Variants in CADM2 observed in about 807,000 individuals in gnomAD.
The protein encoded by CADM2 is cell adhesion molecule 2, also known as immunoglobulin superfamily member 4D.
In CADM2, 12 loss-of-function variants were observed where a neutral mutation model predicts 49.8. The observed-to-expected ratio is 0.24, with a 90% CI of 0.15 to 0.39. The LOEUF (loss-of-function observed/expected upper bound fraction) is 0.39, where lower values mean the gene tolerates loss of function less well. CADM2 is among the 10% of genes least tolerant of loss of function. The probability of loss-of-function intolerance (pLI) is 1.00; values close to 1 mark genes in which losing one functional copy is unlikely to be tolerated. For missense variants in CADM2, 378 were observed against 492.3 expected (o/e 0.77, Z 2.20); for synonymous variants, 214 against 175.4 (o/e 1.22, Z -1.74).
intron 2 of CADM2, among the ~76,000 whole-genome samples, chr3:85,797,120 A>G (rs567192097): frequency 3.3e-5 from 5 of 152,064 alleles, no homozygotes; most frequent in African/African-American, 1.2e-4. Flanking sequence ...AGAAAAAAAA[A>G]AAGAAAATTA....
In CADM2 at chr3:85,858,885, A is replaced by G. The variant is rs532679420; in HGVS notation, c.239-24406A>G. Among the ~76,000 whole-genome samples the G allele has an allele frequency of 3.5e-3, 538 of 152,342 alleles. 7 individuals are homozygous for G. Among genetic ancestry groups the G allele is most frequent in the African/African-American group, 0.011 (446 of 41,576 alleles). ...TTGCTACCATGATATATAGAAAAAA[A>G]GTAACAAAACAGCCTATATGATAGT... On this transcript the variant is annotated intron_variant, in intron 3 of 9. Coordinates refer to ENST00000383699, the MANE Select transcript of CADM2 (RefSeq NM_001167675.2).
intron 1 of CADM2, among the ~76,000 whole-genome samples, chr3:85,358,653 T>G (rs2107268183): frequency 6.6e-6 from 1 of 152,204 alleles, no homozygotes; most frequent in African/African-American, 2.4e-5. Flanking sequence ...GCATAGCCAA[T>G]AAAATTGATG....
intron 1 of CADM2, among the ~76,000 whole-genome samples, chr3:85,541,005 C>A (rs1424597215): frequency 2.6e-5 from 4 of 151,968 alleles, no homozygotes; most frequent in African/African-American, 9.7e-5. Context: ...TTTCCTCTGT[C>A]TCCAAGTACA....
chr3:85,785,133 A>AT (rs1392051644), intron 2 of CADM2, among the ~76,000 whole-genome samples: 2 of 151,848 alleles, frequency 1.3e-5, no homozygotes, highest in East Asian at 3.9e-4. Flanking sequence ...GTAATGTATC[A>AT]TTTTTCATCT....
intron 1 of CADM2, among the ~76,000 whole-genome samples, chr3:85,138,421 T>G (rs1424995678): frequency 6.6e-6 from 1 of 152,156 alleles, no homozygotes; most frequent in Non-Finnish European, 1.5e-5. Flanking sequence ...TAGATTGCAC[T>G]TTATTTTTCA....
At chr3:85,590,709 A>G (rs1370839966) in intron 1 of CADM2, among the ~76,000 whole-genome samples, 1 of 151,898 alleles carries the variant, frequency 6.6e-6, no homozygotes, top group Non-Finnish European at 1.5e-5. Context: ...GGTGATAAGG[A>G]ATGATTTGCT....
intron 1 of CADM2, among the ~76,000 whole-genome samples, chr3:85,541,375 TTGAA>T (rs2061535101): frequency 6.6e-6 from 1 of 151,422 alleles, no homozygotes; most frequent in Non-Finnish European, 1.5e-5. Context: ...GAATTCAAAA[TTGAA>T]TGAATGTGAT....
intron 1 of CADM2, among the ~76,000 whole-genome samples, chr3:84,996,429 CTA>C (rs1052589547): frequency 2.6e-5 from 4 of 151,992 alleles, no homozygotes; most frequent in Non-Finnish European, 5.9e-5. Context: ...GGTGTATACT[CTA>C]TTATCAACTG....
intron 8 of CADM2, among the ~76,000 whole-genome samples, chr3:86,057,140 C>T (rs771838325): frequency 5.3e-5 from 8 of 152,176 alleles, no homozygotes; most frequent in Admixed American, 3.9e-4. Flanking sequence ...CATAAAATTA[C>T]GACATAATAG....
intron 1 of CADM2, among the ~76,000 whole-genome samples, chr3:85,084,760 T>G (rs2037306818): frequency 6.6e-6 from 1 of 152,166 alleles, no homozygotes; most frequent in Non-Finnish European, 1.5e-5. Context: ...TTCTATTTTC[T>G]TAGATAGCTT....
chr3:86,016,138 T>G (rs973318358), intron 8 of CADM2, among the ~76,000 whole-genome samples: 1 of 152,134 alleles, frequency 6.6e-6, no homozygotes, highest in Admixed American at 6.5e-5. Context: ...AGTCTTTTGA[T>G]ACACTATTTT....
intron 1 of CADM2, among the ~76,000 whole-genome samples, chr3:85,032,982 T>C (rs888455767): frequency 6.6e-6 from 1 of 152,116 alleles, no homozygotes; most frequent in Non-Finnish European, 1.5e-5. Flanking sequence ...TCTCTATATA[T>C]CTTTTTTTAG....
chr3:85,163,557 TCAGA>T (rs1030729877), intron 1 of CADM2, among the ~76,000 whole-genome samples: 28 of 152,146 alleles, frequency 1.8e-4, no homozygotes, highest in Middle Eastern at 6.8e-3. Flanking sequence ...TTTTACGCCC[TCAGA>T]CAATTAATCT....
chr3:85,686,810 A>G (rs995986380), intron 1 of CADM2, among the ~76,000 whole-genome samples: 16 of 152,200 alleles, frequency 1.1e-4, no homozygotes, highest in African/African-American at 3.6e-4. Context: ...CAGAAACTCA[A>G]AAGAATGCAA....
intron 2 of CADM2, among the ~76,000 whole-genome samples, chr3:85,788,842 T>G (rs183758461): frequency 6.6e-6 from 1 of 152,094 alleles, no homozygotes; most frequent in African/African-American, 2.4e-5. Flanking sequence ...ATAAGGTTTT[T>G]AATGATACTT....
At chr3:85,142,249 C>T (rs1291686487) in intron 1 of CADM2, among the ~76,000 whole-genome samples, 1 of 152,210 alleles carries the variant, frequency 6.6e-6, no homozygotes, top group Admixed American at 6.5e-5. Context: ...CTTATCTTCT[C>T]TCTTGCACTG....
chr3:85,685,615 CTTTTTTT>C (rs59277971), intron 1 of CADM2, among the ~76,000 whole-genome samples: 20 of 122,004 alleles, frequency 1.6e-4, no homozygotes, highest in South Asian at 5.5e-4. Flanking sequence ...TTCTTTCTTT[CTTTTTTT>C]TTTTTTTTTT....
chr3:85,152,495 G>A (rs78479114), intron 1 of CADM2, among the ~76,000 whole-genome samples: 1 of 152,094 alleles, frequency 6.6e-6, no homozygotes, highest in Non-Finnish European at 1.5e-5. Flanking sequence ...TCAGAGAGCA[G>A]ATTTGTCTTT....
intron 8 of CADM2, among the ~76,000 whole-genome samples, chr3:86,036,581 C>G (rs1578019324): frequency 6.6e-6 from 1 of 152,242 alleles, no homozygotes; most frequent in South Asian, 2.1e-4. Context: ...ACCTCCAGGA[C>G]TCCAAATTTG....
Sources: gnomAD v4.1 joint callset for allele counts (sites outside exome capture counted in the v4.1 genomes callset) on GRCh38, gnomAD v4.1.1 for gene constraint, MANE v1.5 for transcripts, NCBI Gene and HGNC (gene_info 2026-07-23, HGNC 2026-07-21) for gene names.